Variants in RAD50 observed in about 807,000 individuals in gnomAD.
RAD50 encodes the protein DNA repair protein RAD50.
Under a neutral mutation model 168.8 loss-of-function variants are expected in RAD50, and 132 were observed. The ratio of observed to expected loss-of-function variants is 0.78; its 90% CI spans 0.68 to 0.90. The LOEUF is 0.90. Among genes scored for constraint, RAD50 ranks in the 40% least tolerant of loss-of-function variants. The pLI is 0.00. For synonymous variants in RAD50, 525 were observed against 497.4 expected, an observed-to-expected ratio of 1.06 and a Z score of -0.74; for missense variants, 1,347 against 1,534.4, an observed-to-expected ratio of 0.88 and a Z score of 2.04.
chr5:132,615,971 T>A, intron 19 of RAD50, 32 bp from the exon 20 acceptor site: 1 of 1,552,154 alleles, frequency 6.4e-7, no homozygotes, highest in Non-Finnish European at 8.9e-7. Flanking sequence ...AACTTGGTTA[T>A]TTTTGTTAAC....
chr5:132,618,708 T>C (rs909852724), intron 21 of RAD50, among the ~76,000 whole-genome samples: 1 of 152,192 alleles, frequency 6.6e-6, no homozygotes, highest in African/African-American at 2.4e-5. Context: ...TATGGTATTT[T>C]ATGTATACCA....
intron 11 of RAD50, among the ~76,000 whole-genome samples, chr5:132,593,895 C>G (rs1750744725): frequency 6.6e-6 from 1 of 152,082 alleles, no homozygotes; most frequent in Non-Finnish European, 1.5e-5. Flanking sequence ...GCCCAGGGAA[C>G]CAGGGTGAGA....
chr5:132,594,080 T>C (rs911035172), intron 11 of RAD50, among the ~76,000 whole-genome samples: 1 of 152,196 alleles, frequency 6.6e-6, no homozygotes, highest in African/African-American at 2.4e-5. Context: ...AATATCATCA[T>C]ATTAGTTACT....
intron 23 of RAD50, among the ~76,000 whole-genome samples, chr5:132,639,923 C>G (rs1751680022): frequency 6.6e-6 from 1 of 152,168 alleles, no homozygotes; most frequent in Admixed American, 6.5e-5. Context: ...TGTGCGCACC[C>G]ACCCACAAAC....
At chr5:132,640,273 A>G (rs918715482) in intron 23 of RAD50, among the ~76,000 whole-genome samples, 29 of 152,324 alleles carry the variant, frequency 1.9e-4, no homozygotes, top group African/African-American at 4.8e-4. Flanking sequence ...GAAGTTTTCT[A>G]ACAGATCCCA....
At chr5:132,616,172 A>G in intron 20 of RAD50, 42 bp downstream of exon 20, 3 of 1,580,672 alleles carry the variant, frequency 1.9e-6, no homozygotes, top group Non-Finnish European at 1.7e-6. Flanking sequence ...AAACGTCTTT[A>G]TTACTGGAAT....
chr5:132,594,995 T>C lies in RAD50; in HGVS notation c.1920T>C (p.Ser640=), dbSNP rs546488671. The change falls in exon 12 of 25, where the codon AGT becomes AGC. Residue 640 remains serine, a synonymous_variant. Transcript: ENST00000378823. ...FDVCGSQDFE[S]DLDRLKEEIE... is the part of the protein sequence containing the mutation. ...TTTGTGGTAGCCAGGATTTTGAAAG[T>C]GATTTAGACAGGCTTAAAGAGGAAA... 7 of 1,613,910 alleles carry C rather than the reference T, an allele frequency of 4.3e-6. No homozygotes were observed. Among genetic ancestry groups the C allele is most frequent in the Non-Finnish European group, 5.9e-6 (7 of 1,179,806 alleles).
At chr5:132,611,791 A>G (rs1476589475) in intron 19 of RAD50, among the ~76,000 whole-genome samples, 1 of 151,948 alleles carries the variant, frequency 6.6e-6, no homozygotes, top group Non-Finnish European at 1.5e-5. Flanking sequence ...TCCTATACTG[A>G]CTACAGGATA....
intron 21 of RAD50, among the ~76,000 whole-genome samples, chr5:132,618,613 G>A (rs1751221122): frequency 6.6e-6 from 1 of 152,116 alleles, no homozygotes; most frequent in Non-Finnish European, 1.5e-5. Flanking sequence ...CCTGACCTGA[G>A]GTGATCCACC....
At chr5:132,615,448 A>G (rs1032190100) in intron 19 of RAD50, among the ~76,000 whole-genome samples, 1 of 152,166 alleles carries the variant, frequency 6.6e-6, no homozygotes, top group Non-Finnish European at 1.5e-5. Context: ...CAGGTAACAT[A>G]TACCTAACAG....
At position 132,612,039 on chromosome 5, in the gene RAD50, C is replaced by T. The variant is rs1297518999; in HGVS notation, c.3036+2643C>T. 2.6e-5 allele frequency among the ~76,000 whole-genome samples: 4 copies of T among 152,118 alleles called. No homozygotes were observed. In the East Asian group the frequency reaches 7.7e-4, roughly 29 times the overall value. The stretch of plus-strand genomic sequence containing the variant: ...GGTATAGAACTAAGAAAATTGAAAA[C>T]ATATGTTCCCACAACAACTTGTACA... On this transcript the variant is annotated intron_variant, in intron 19 of 24. Transcript: ENST00000378823.
At position 132,637,213 on chromosome 5, in the gene RAD50, G is replaced by A. The variant is rs755497258; in HGVS notation, c.3475+13G>A. On this transcript the variant is annotated intron_variant, in intron 22 of 24. Transcript: ENST00000378823. The stretch of plus-strand genomic sequence containing the variant: ...TATCGTGGACAAGGTGAGTACCATG[G>A]TGTATCACAAATGCTCTTTCCAAAG... 3.7e-6 allele frequency: 6 copies of A among 1,608,990 alleles called. No individual in the cohort carries two copies. The East Asian group carries it at 1.3e-4, about 36-fold the overall frequency.
intron 2 of RAD50, among the ~76,000 whole-genome samples, chr5:132,562,896 TGAGAGAGTGG>T (rs1750145364): frequency 6.6e-6 from 1 of 152,090 alleles, no homozygotes; most frequent in Non-Finnish European, 1.5e-5. Context: ...TAAGGAAAAC[TGAGAGAGTGG>T]TGTCTTGGAA....
intron 21 of RAD50, among the ~76,000 whole-genome samples, chr5:132,630,128 C>T (rs1489748438): frequency 2.0e-5 from 3 of 151,692 alleles, no homozygotes; most frequent in African/African-American, 7.3e-5. Flanking sequence ...CTGCCATCTC[C>T]ACCTCCCGGG....
Position 132,642,884 on chromosome 5 carries a change from G to A in RAD50, c.*520G>A, listed in dbSNP as rs1338945411. The A allele has an allele frequency of 2.5e-6, 1 of 398,914 alleles. No homozygotes were observed. The highest frequency in any genetic ancestry group is 5.1e-6 in the Non-Finnish European group (1 of 196,394). The allele number at this position is 398,914 out of a possible 1,614,324, so 24.7% of individuals were successfully genotyped here. Reference sequence around the variant, plus strand: ...ATAAATCCAGTGACCTCTCTCTCTGGGACTTGGTTTCCCCAACTAAAATTT... The same window carrying A: ...ATAAATCCAGTGACCTCTCTCTCTGAGACTTGGTTTCCCCAACTAAAATTT... On this transcript the variant is annotated 3_prime_UTR_variant, in exon 25 of 25. Coordinates refer to ENST00000378823, the MANE Select transcript of RAD50 (RefSeq NM_005732.4).
rs1402498968 is a variant in RAD50, at chr5:132,608,560, C to G, written c.2719-55C>G. On this transcript the variant is annotated intron_variant, in intron 16 of 24. Coordinates refer to ENST00000378823, the MANE Select transcript of RAD50 (RefSeq NM_005732.4). ...TTTATTAAGACTGTGAAGTCTGACC[C>G]CTAAAGTAAGATAATGGAATATTAT... 134 of 1,410,204 alleles carry G rather than the reference C, an allele frequency of 9.5e-5. No homozygotes were observed. The South Asian group carries it at 1.7e-3, about 18-fold the overall frequency. 87.4% of individuals were successfully genotyped at this position (1,410,204 alleles called of 1,614,324 possible).
At chr5:132,628,243 T>G (rs1751401663) in intron 21 of RAD50, among the ~76,000 whole-genome samples, 1 of 152,056 alleles carries the variant, frequency 6.6e-6, no homozygotes, top group East Asian at 1.9e-4. Flanking sequence ...ATTTAACCCA[T>G]GAGATGAGAT....
intron 9 of RAD50, 44 bp downstream of exon 9, chr5:132,589,881 CT>C (rs776210071): frequency 5.3e-6 from 8 of 1,499,414 alleles, no homozygotes; most frequent in South Asian, 1.2e-5. Context: ...AGATATAATA[CT>C]TTTAGAAGTA....
intron 13 of RAD50, 121 bp from the exon 14 acceptor site, chr5:132,603,179 G>T: frequency 1.1e-6 from 1 of 884,278 alleles, no homozygotes; most frequent in Non-Finnish European, 1.8e-6. Flanking sequence ...CATATCCACT[G>T]ATATGATACC....
Sources: gnomAD v4.1 joint callset for allele counts (sites outside exome capture counted in the v4.1 genomes callset) on GRCh38, gnomAD v4.1.1 for gene constraint, MANE v1.5 for transcripts, NCBI Gene and HGNC (gene_info 2026-07-23, HGNC 2026-07-21) for gene names.